Variants in EGFR observed in about 807,000 individuals in gnomAD.
EGFR encodes the protein avian erythroblastic leukemia viral (v-erb-b) oncogene homolog.
EGFR carries 58 observed loss-of-function variants against 143.0 expected under a neutral mutation model. The observed-to-expected ratio is 0.41, with a 90% CI of 0.33 to 0.50. The LOEUF (loss-of-function observed/expected upper bound fraction) is 0.50, where lower values mean the gene tolerates loss of function less well. EGFR is among the 20% of genes least tolerant of loss of function. The probability of loss-of-function intolerance (pLI) is 0.39; values close to 1 mark genes in which losing one functional copy is unlikely to be tolerated. For synonymous variants in EGFR, 613 were observed against 594.4 expected, an observed-to-expected ratio of 1.03 and a Z score of -0.45; for missense variants, 1,307 against 1,579.0, an observed-to-expected ratio of 0.83 and a Z score of 2.92.
intron 1 of EGFR, among the ~76,000 whole-genome samples, chr7:55,103,263 G>A (rs561426115): frequency 1.3e-5 from 2 of 152,300 alleles, no homozygotes; most frequent in East Asian, 3.9e-4. Context: ...CCTTCAGTGT[G>A]TGTCCTCTCT....
intron 4 of EGFR, among the ~76,000 whole-genome samples, chr7:55,150,826 G>C (rs1785113637): frequency 6.6e-6 from 1 of 152,224 alleles, no homozygotes; most frequent in Non-Finnish European, 1.5e-5. Context: ...CTGGTTTGGA[G>C]TCTAGAAGGT....
rs556646502 is a variant in EGFR, at chr7:55,023,326, A to T, written c.88+3961A>T. ...AAGTTTTAGAATATGGTTCACCCAC[A>T]TGTTGCTTCCCTGTAAATATAATTT... On this transcript the variant is annotated intron_variant, in intron 1 of 27. Transcript: ENST00000275493. Among the ~76,000 whole-genome samples, 291 of 152,280 alleles carry T rather than the reference A, an allele frequency of 1.9e-3. 2 individuals carry two copies. Among genetic ancestry groups the T allele is most frequent in the African/African-American group, 6.9e-3 (286 of 41,552 alleles).
chr7:55,160,419 T>A, intron 12 of EGFR, 81 bp downstream of exon 12: 1 of 1,401,154 alleles, frequency 7.1e-7, no homozygotes, highest in African/African-American at 1.4e-5. Context: ...GAAGGGCTAT[T>A]CCCATTTAAA....
At chr7:55,119,022 T>G (rs1255732814) in intron 1 of EGFR, 1 of 152,160 alleles carries the variant, frequency 6.6e-6, no homozygotes, top group African/African-American at 2.4e-5. Flanking sequence ...CAAGTAAGCC[T>G]AAAACTCTGC....
intron 1 of EGFR, among the ~76,000 whole-genome samples, chr7:55,093,026 T>C (rs151329407): frequency 2.7e-4 from 41 of 152,378 alleles, no homozygotes; most frequent in East Asian, 1.2e-3. Context: ...TCTTCCTAGA[T>C]TGCCCTGCAT....
At chr7:55,097,709 G>C (rs10276261) in intron 1 of EGFR, among the ~76,000 whole-genome samples, 2,657 of 152,200 alleles carry the variant, frequency 0.017, 83 homozygotes, top group African/African-American at 0.061. Context: ...CCCAGGGAAG[G>C]ACTGCACAGC....
rs187649249 is a variant in EGFR, at chr7:55,190,379, G to A, written c.2470-1340G>A. 1.2e-3 allele frequency among the ~76,000 whole-genome samples: 188 copies of A among 152,222 alleles called. 2 individuals are homozygous for A. The highest frequency in any genetic ancestry group is 4.5e-3 in the African/African-American group (186 of 41,508). On this transcript the variant is annotated intron_variant, in intron 20 of 27. Transcript: ENST00000275493. The stretch of plus-strand genomic sequence containing the variant: ...AAACATTAAAGGCCTCACAAACGGC[G>A]CCCAAAGACTAATTCTGCATAGCAT...
intron 15 of EGFR, chr7:55,170,865 G>T (rs911511731): frequency 3.5e-6 from 5 of 1,411,574 alleles, no homozygotes; most frequent in Non-Finnish European, 4.6e-6. Flanking sequence ...TCTAGAGCCA[G>T]CTGTGGGACA....
chr7:55,108,312 CA>C (rs1792259653), intron 1 of EGFR, among the ~76,000 whole-genome samples: 1 of 152,236 alleles, frequency 6.6e-6, no homozygotes, highest in Non-Finnish European at 1.5e-5. Context: ...TGTTCACGCA[CA>C]GGGGCCGTAT....
chr7:55,040,225 A>G (rs1346702567), intron 1 of EGFR, among the ~76,000 whole-genome samples: 5 of 152,218 alleles, frequency 3.3e-5, no homozygotes, highest in Non-Finnish European at 7.3e-5. Context: ...CGCAGCCTCA[A>G]GAAAAATATG....
At chr7:55,042,558 A>G (rs542266779) in intron 1 of EGFR, among the ~76,000 whole-genome samples, 68 of 152,248 alleles carry the variant, frequency 4.5e-4, no homozygotes, top group African/African-American at 1.6e-3. Flanking sequence ...AGTTCCATGC[A>G]GCATGGATGT....
At chr7:55,193,276 C>T (rs951591243) in intron 22 of EGFR, among the ~76,000 whole-genome samples, 10 of 152,152 alleles carry the variant, frequency 6.6e-5, no homozygotes, top group African/African-American at 2.2e-4. Flanking sequence ...TCAGAGAGAA[C>T]GGCTTGACAA....
rs143823158 is a variant in EGFR at position 55,020,648 on chromosome 7, G to T, written c.88+1283G>T. 8.2e-3 allele frequency among the ~76,000 whole-genome samples: 1,238 copies of T among 151,892 alleles called. 13 individuals are homozygous for T. The highest frequency in any genetic ancestry group is 0.027 in the South Asian group (128 of 4,812). ...AAGTGTGCAGACAGAACATGAGCGA[G>T]TCTGGCTTCGTGACTACCGACCATA... On this transcript the variant is annotated intron_variant, in intron 1 of 27. Coordinates refer to ENST00000275493, the MANE Select transcript of EGFR (RefSeq NM_005228.5).
chr7:55,090,804 A>C (rs909381676), intron 1 of EGFR, among the ~76,000 whole-genome samples: 1 of 152,240 alleles, frequency 6.6e-6, no homozygotes, highest in Admixed American at 6.5e-5. Context: ...GGCTTCAGGA[A>C]TGAGGCTAGT....
intron 19 of EGFR, among the ~76,000 whole-genome samples, chr7:55,177,086 G>A (rs1347752670): frequency 1.3e-5 from 2 of 151,814 alleles, no homozygotes; most frequent in African/African-American, 2.4e-5. Flanking sequence ...CTTCACTGCG[G>A]CCATGTCCCC....
At chr7:55,170,214 A>C in intron 15 of EGFR, 9 of 1,603,802 alleles carry the variant, frequency 5.6e-6, no homozygotes, top group South Asian at 1.1e-5. Flanking sequence ...CCTGGAGAGC[A>C]GAGATAGAAA....
Position 55,019,338 on chromosome 7 carries a change from G to T in EGFR, c.61G>T (p.Ala21Ser), listed in dbSNP as rs373129709. 2.4e-5 allele frequency: 37 copies of T among 1,518,016 alleles called. No homozygotes were observed. The highest frequency in any genetic ancestry group is 3.1e-5 in the Non-Finnish European group (35 of 1,128,518). 94.0% of individuals were successfully genotyped at this position (1,518,016 alleles called of 1,614,324 possible). A position where few individuals can be genotyped will look rare whatever the true frequency, so the allele number is the denominator to read the frequency against. The change falls in exon 1 of 28, where the codon GCG becomes TCG. Residue 21 changes from alanine to serine, a missense_variant. This residue lies in a region of EGFR where 65 missense variants were observed against 37.8 expected (regional missense o/e 1.72). Transcript: ENST00000275493. Reference sequence around the variant, plus strand: ...GGCGCTGCTGGCTGCGCTCTGCCCGGCGAGTCGGGCTCTGGAGGAAAAGAA... The same window carrying T: ...GGCGCTGCTGGCTGCGCTCTGCCCGTCGAGTCGGGCTCTGGAGGAAAAGAA... ...LLALLAALCP[A>S]SRALEEKKVC...
At position 55,019,202 on chromosome 7, in the gene EGFR, C is replaced by T. The variant is rs570107879; in HGVS notation, c.-76C>T. The T allele has an allele frequency of 1.4e-5, 18 of 1,254,856 alleles. No individual in the cohort carries two copies. Among genetic ancestry groups the T allele is most frequent in the African/African-American group, 9.4e-5 (6 of 63,546 alleles). The allele number at this position is 1,254,856 out of a possible 1,614,324, so 77.7% of individuals were successfully genotyped here. A position where few individuals can be genotyped will look rare whatever the true frequency, so the allele number is the denominator to read the frequency against. On this transcript the variant is annotated 5_prime_UTR_variant, in exon 1 of 28. Coordinates refer to ENST00000275493, the MANE Select transcript of EGFR (RefSeq NM_005228.5). ...AGTCCCCGCCTCGCCGCCAACGCCACAACCACCGCGCACGGCCCCCTGACT... is the reference window on the plus strand; with the variant it reads ...AGTCCCCGCCTCGCCGCCAACGCCATAACCACCGCGCACGGCCCCCTGACT...
intron 1 of EGFR, among the ~76,000 whole-genome samples, chr7:55,140,039 G>C (rs1794372392): frequency 1.3e-5 from 2 of 151,636 alleles, no homozygotes; most frequent in South Asian, 4.2e-4. Context: ...AATAAGCCCT[G>C]AAGGGGCTTT....
Sources: gnomAD v4.1 joint callset for allele counts (sites outside exome capture counted in the v4.1 genomes callset) on GRCh38, gnomAD v4.1.1 for gene constraint, gnomAD v4.1.1 regional missense constraint, MANE v1.5 for transcripts, NCBI Gene and HGNC (gene_info 2026-07-23, HGNC 2026-07-21) for gene names.